HIPK2: variants seen among roughly 807,000 people sequenced by gnomAD.
HIPK2 encodes homeodomain interacting protein kinase 2.
In HIPK2, 27 loss-of-function variants were observed where a neutral mutation model predicts 113.7. The observed-to-expected ratio is 0.24, with a 90% CI of 0.17 to 0.33. The LOEUF (loss-of-function observed/expected upper bound fraction) is 0.33, where lower values mean the gene tolerates loss of function less well. Among genes scored for constraint, HIPK2 ranks in the 10% least tolerant of loss-of-function variants. The pLI, the probability that HIPK2 is intolerant of heterozygous loss-of-function variation, is 1.00. For synonymous variants in HIPK2, 631 were observed against 642.2 expected (o/e 0.98, Z 0.26); for missense variants, 1,257 against 1,588.0 (o/e 0.79, Z 3.54).
At chr7:139,678,677 A>G (rs1191504329) in intron 2 of HIPK2, among the ~76,000 whole-genome samples, 1 of 152,000 alleles carries the variant, frequency 6.6e-6, no homozygotes, top group African/African-American at 2.4e-5. Context: ...TTGGTTCCAT[A>G]TGAAATTTAA....
At chr7:139,659,413 T>G (rs1801788321) in intron 2 of HIPK2, among the ~76,000 whole-genome samples, 1 of 150,428 alleles carries the variant, frequency 6.6e-6, no homozygotes, top group Admixed American at 6.6e-5. Context: ...TGAGTCCATC[T>G]TTTTGGTAGG....
chr7:139,750,242 C>G (rs1286000854), intron 1 of HIPK2, among the ~76,000 whole-genome samples: 1 of 152,206 alleles, frequency 6.6e-6, no homozygotes, highest in Non-Finnish European at 1.5e-5. Context: ...GACATTAGCA[C>G]AGTTTTCCAC....
intron 1 of HIPK2, among the ~76,000 whole-genome samples, chr7:139,769,400 C>T (rs1256107695): frequency 1.3e-5 from 2 of 152,220 alleles, no homozygotes; most frequent in Non-Finnish European, 2.9e-5. Flanking sequence ...GTAAAAATTA[C>T]CTTGTTCAAG....
chr7:139,608,712 G>A (rs1424889100), intron 9 of HIPK2, among the ~76,000 whole-genome samples: 3 of 152,138 alleles, frequency 2.0e-5, no homozygotes, highest in Non-Finnish European at 4.4e-5. Flanking sequence ...CATAAAGGTG[G>A]CATGAACAAG....
At chr7:139,670,624 A>C (rs1802232729) in intron 2 of HIPK2, among the ~76,000 whole-genome samples, 1 of 151,998 alleles carries the variant, frequency 6.6e-6, no homozygotes, top group South Asian at 2.1e-4. Context: ...AATAAAAAAA[A>C]ATGGTGTAAT....
intron 2 of HIPK2, among the ~76,000 whole-genome samples, chr7:139,642,956 G>A (rs1032005471): frequency 5.9e-5 from 9 of 152,116 alleles, no homozygotes; most frequent in African/African-American, 1.9e-4. Context: ...ACTCCAAAAG[G>A]AGAGCTGGGG....
intron 2 of HIPK2, among the ~76,000 whole-genome samples, chr7:139,705,949 C>T (rs989619642): frequency 3.3e-5 from 5 of 152,098 alleles, no homozygotes; most frequent in East Asian, 1.9e-4. Flanking sequence ...GCAGCTCTTA[C>T]GTACGAAGAC....
At position 139,683,269 on chromosome 7, in the gene HIPK2, T is replaced by G. The variant is rs945311914; in HGVS notation, c.1103+32663A>C. ...AGACTGCATTAGCTGCCTGTTAATG[T>G]GTAACAAGGTACCGCAAAACTTAGT... is the stretch of plus-strand genomic sequence containing the variant. On this transcript the variant is annotated intron_variant, in intron 2 of 14. Transcript: ENST00000406875. This position sits in a 1 kb window ranked among gnomAD's most constrained non-coding sequence, Gnocchi z 4.2. 6.6e-6 allele frequency among the ~76,000 whole-genome samples: 1 copy of G among 152,186 alleles called. No individual in the cohort carries two copies. Among genetic ancestry groups the G allele is most frequent in the Non-Finnish European group, 1.5e-5 (1 of 68,032 alleles).
intron 2 of HIPK2, among the ~76,000 whole-genome samples, chr7:139,662,859 T>G (rs1300946248): frequency 3.3e-5 from 5 of 152,138 alleles, no homozygotes; most frequent in African/African-American, 1.2e-4. Context: ...CCTCAAGTGA[T>G]TTGCCTGCCT....
intron 2 of HIPK2, among the ~76,000 whole-genome samples, chr7:139,633,957 A>G (rs999050696): frequency 1.3e-5 from 2 of 151,238 alleles, no homozygotes; most frequent in African/African-American, 4.9e-5. Context: ...AAAGAAAAAA[A>G]AAAAAAGCCA....
At chr7:139,575,421 A>C in intron 13 of HIPK2, 133 bp from the exon 14 acceptor site, 338 of 1,046,100 alleles carry the variant, frequency 3.2e-4, no homozygotes, top group Non-Finnish European at 4.4e-4. Context: ...AATCAGCCTC[A>C]TCTCCCCCGG....
At chr7:139,744,643 G>A (rs1191208729) in intron 1 of HIPK2, among the ~76,000 whole-genome samples, 3 of 152,142 alleles carry the variant, frequency 2.0e-5, no homozygotes, top group Non-Finnish European at 4.4e-5. Flanking sequence ...CTCACCCACC[G>A]GACCTGAAAT....
rs1184555180 is a variant in HIPK2 at position 139,638,656 on chromosome 7, C to CTTTTTTTTTTTTTT, written c.1104-6945_1104-6932dup. Among the ~76,000 whole-genome samples, 4 of 130,262 alleles carry CTTTTTTTTTTTTTT rather than the reference C, an allele frequency of 3.1e-5. 1 individual carries two copies. Among genetic ancestry groups the CTTTTTTTTTTTTTT allele is most frequent in the African/African-American group, 1.2e-4 (4 of 32,880 alleles). 85.5% of individuals were successfully genotyped at this position (130,262 alleles called of 152,430 possible). On this transcript the variant is annotated intron_variant, in intron 2 of 14. Coordinates refer to ENST00000406875, the MANE Select transcript of HIPK2 (RefSeq NM_022740.5). Reference sequence around the variant, plus strand: ...CTGGAGAAAGAGAGTAAATAATTGTCTTTTTTTTTTTTTTTTTTTGAGACA... The same window carrying CTTTTTTTTTTTTTT: ...CTGGAGAAAGAGAGTAAATAATTGTCTTTTTTTTTTTTTTTTTTTTTTTTTTTTTTTTTGAGACA...
chr7:139,647,569 G>A (rs911415909), intron 2 of HIPK2, among the ~76,000 whole-genome samples: 2 of 152,120 alleles, frequency 1.3e-5, no homozygotes, highest in Non-Finnish European at 1.5e-5. Flanking sequence ...TTGACATAGG[G>A]AGTTTGTATC....
At chr7:139,744,834 T>C (rs1015951087) in intron 1 of HIPK2, among the ~76,000 whole-genome samples, 1 of 152,172 alleles carries the variant, frequency 6.6e-6, no homozygotes, top group Non-Finnish European at 1.5e-5. Context: ...GCCAAGATGA[T>C]AAGCTAACCA....
At chr7:139,762,861 GC>G (rs1796491606) in intron 1 of HIPK2, among the ~76,000 whole-genome samples, 1 of 152,208 alleles carries the variant, frequency 6.6e-6, no homozygotes, top group African/African-American at 2.4e-5. Flanking sequence ...AAACAAATAT[GC>G]CCAAATAAGT....
intron 12 of HIPK2, among the ~76,000 whole-genome samples, chr7:139,591,704 C>T (rs373462967): frequency 2.6e-5 from 4 of 152,364 alleles, no homozygotes; most frequent in African/African-American, 9.6e-5. Flanking sequence ...CCTACCATCA[C>T]CTCTTGAGAT....
chr7:139,715,329 C>G (rs550835054), intron 2 of HIPK2, among the ~76,000 whole-genome samples: 187 of 152,348 alleles, frequency 1.2e-3, no homozygotes, highest in African/African-American at 4.0e-3. Flanking sequence ...TGGCCCCAGA[C>G]TAGTCTCTCC....
chr7:139,739,100 C>G (rs1433346443), intron 1 of HIPK2, among the ~76,000 whole-genome samples: 1 of 152,148 alleles, frequency 6.6e-6, no homozygotes, highest in Non-Finnish European at 1.5e-5. Flanking sequence ...AAGTTTCGGG[C>G]AAGTTTTGTT....
Sources: gnomAD v4.1 joint callset for allele counts (sites outside exome capture counted in the v4.1 genomes callset) on GRCh38, gnomAD v4.1.1 for gene constraint, Gnocchi (gnomAD v3.1) non-coding constraint, MANE v1.5 for transcripts, NCBI Gene and HGNC (gene_info 2026-07-23, HGNC 2026-07-21) for gene names.